The following FAM13A variants were observed in gnomAD, a reference collection of about 807,000 sequenced individuals.
FAM13A encodes family with sequence similarity 13 member A, also known as protein FAM13A.
In FAM13A, 76 loss-of-function variants were observed where a neutral mutation model predicts 129.6. The observed-to-expected ratio is 0.59, with a 90% CI of 0.49 to 0.71. The LOEUF (loss-of-function observed/expected upper bound fraction) is 0.71. Among genes scored for constraint, FAM13A ranks in the 30% least tolerant of loss-of-function variants. FAM13A has a pLI of 0.00. For missense variants in FAM13A, 1,108 were observed against 1,249.3 expected (o/e 0.89, Z 1.70); for synonymous variants, 443 against 449.9 (o/e 0.98, Z 0.20).
At chr4:88,923,078 G>A (rs1416855704) in intron 5 of FAM13A, among the ~76,000 whole-genome samples, 2 of 151,802 alleles carry the variant, frequency 1.3e-5, no homozygotes, top group Non-Finnish European at 1.5e-5. Flanking sequence ...AACCAAAAAG[G>A]GTCCAGGACC....
chr4:88,878,252 C>T (rs544818589), intron 6 of FAM13A, among the ~76,000 whole-genome samples: 10 of 132,094 alleles, frequency 7.6e-5, no homozygotes, highest in African/African-American at 2.7e-4. Context: ...TGCGCCACTG[C>T]ACTCCAGCCT....
In FAM13A at chr4:89,019,423, G is replaced by A. The variant is rs180744475; in HGVS notation, c.427+1037C>T. On this transcript the variant is annotated intron_variant, in intron 3 of 23. Coordinates refer to ENST00000264344, the MANE Select transcript of FAM13A (RefSeq NM_014883.4). Reference sequence around the variant, plus strand: ...ACCATTTTTCTTACAGCACTTAGGAGGGAGAACTCAATAATGACTATGCCT... The same window carrying A: ...ACCATTTTTCTTACAGCACTTAGGAAGGAGAACTCAATAATGACTATGCCT... Among the ~76,000 whole-genome samples, 4 of 152,114 alleles carry A rather than the reference G, an allele frequency of 2.6e-5. No individual in the cohort carries two copies. In the East Asian group the frequency reaches 7.7e-4, roughly 29 times the overall value.
chr4:88,740,397 T>G (rs1282514825), intron 19 of FAM13A, among the ~76,000 whole-genome samples: 1 of 152,210 alleles, frequency 6.6e-6, no homozygotes, highest in Non-Finnish European at 1.5e-5. Flanking sequence ...TAGTAACTAT[T>G]TCAGTGCCTG....
chr4:88,862,250 T>C (rs1267004691), intron 6 of FAM13A, among the ~76,000 whole-genome samples: 2 of 152,176 alleles, frequency 1.3e-5, no homozygotes, highest in Non-Finnish European at 2.9e-5. Flanking sequence ...ATATAATGTA[T>C]ATATACAATG....
At chr4:88,744,896 C>A (rs981829890) in intron 19 of FAM13A, among the ~76,000 whole-genome samples, 6 of 152,088 alleles carry the variant, frequency 3.9e-5, no homozygotes, top group African/African-American at 1.4e-4. Context: ...CTATGAGATG[C>A]TAGAATCCGG....
chr4:88,737,837 C>T (rs947650622), intron 20 of FAM13A, among the ~76,000 whole-genome samples: 4 of 152,160 alleles, frequency 2.6e-5, no homozygotes, highest in African/African-American at 9.7e-5. Context: ...AGGAGAAACA[C>T]CTGCCTCCCA....
intron 1 of FAM13A, among the ~76,000 whole-genome samples, chr4:89,044,343 TAGGGA>T: frequency 6.6e-6 from 1 of 152,266 alleles, no homozygotes; most frequent in East Asian, 1.9e-4. Context: ...CACTGGTCTT[TAGGGA>T]AGTGAGAATC....
In FAM13A at chr4:88,986,955, A is replaced by G. The variant is rs564849986; in HGVS notation, c.605+4018T>C. Among the ~76,000 whole-genome samples, 16 of 152,346 alleles carry G rather than the reference A, an allele frequency of 1.1e-4. No homozygotes were observed. In the South Asian group the frequency reaches 3.1e-3, roughly 30 times the overall value. ...ATTAAGACCTAGATGCAAATAACTTAGCACCCAGATCTTGGCTTCTAAATG... is the reference window on the plus strand; with the variant it reads ...ATTAAGACCTAGATGCAAATAACTTGGCACCCAGATCTTGGCTTCTAAATG... On this transcript the variant is annotated intron_variant, in intron 4 of 23. Coordinates refer to ENST00000264344, the MANE Select transcript of FAM13A (RefSeq NM_014883.4).
At chr4:88,785,169 G>T (rs1723717446) in intron 10 of FAM13A, among the ~76,000 whole-genome samples, 1 of 151,980 alleles carries the variant, frequency 6.6e-6, no homozygotes, top group South Asian at 2.1e-4. Flanking sequence ...TTAATTTGTT[G>T]CATCTCTAAG....
At chr4:88,843,884 G>A (rs1377468781) in intron 7 of FAM13A, among the ~76,000 whole-genome samples, 2 of 152,170 alleles carry the variant, frequency 1.3e-5, no homozygotes, top group East Asian at 3.9e-4. Context: ...AGAGCGCACG[G>A]CTGTCCTGGC....
chr4:88,920,178 A>T (rs1750808063), intron 5 of FAM13A, among the ~76,000 whole-genome samples: 1 of 152,202 alleles, frequency 6.6e-6, no homozygotes. Flanking sequence ...TCCCTGTCTG[A>T]CAGCTTTGAA....
intron 5 of FAM13A, among the ~76,000 whole-genome samples, chr4:88,912,993 A>C (rs948978226): frequency 6.6e-6 from 1 of 151,128 alleles, no homozygotes; most frequent in African/African-American, 2.4e-5. Flanking sequence ...AGAAAGAAGA[A>C]GAAAGAAGGA....
Position 88,906,460 on chromosome 4 carries a change from C to A in FAM13A, c.762G>T (p.Glu254Asp). The change falls in exon 6 of 24, where the codon GAG becomes GAT. Residue 254 changes from glutamate (E) to aspartate (D), a missense_variant and splice_region_variant. By Grantham distance (45) the Glu-to-Asp change is conservative. Coordinates refer to ENST00000264344, the MANE Select transcript of FAM13A (RefSeq NM_014883.4). ...TGGGCAGGGAGTTCTTATAATAGAC[C>A]TCCTACAAAAGAAGTATAAAGGAAA... ...ENLARLIIVKEVYYKNSLPIL... is the reference protein window; with the variant it reads ...ENLARLIIVKDVYYKNSLPIL... The A allele has an allele frequency of 6.3e-7, 1 of 1,595,264 alleles. No homozygotes were observed. Among genetic ancestry groups the A allele is most frequent in the East Asian group, 2.2e-5 (1 of 44,460 alleles).
chr4:88,833,071 C>A (rs1468429927), intron 7 of FAM13A, among the ~76,000 whole-genome samples: 1 of 152,114 alleles, frequency 6.6e-6, no homozygotes, highest in Non-Finnish European at 1.5e-5. Context: ...AAGATCATGT[C>A]GTTTTTAGGC....
chr4:88,794,904 T>C (rs549127959), intron 8 of FAM13A, among the ~76,000 whole-genome samples: 8 of 151,862 alleles, frequency 5.3e-5, no homozygotes, highest in Non-Finnish European at 1.0e-4. Context: ...ATATGCAGCA[T>C]CAACATTATA....
intron 5 of FAM13A, among the ~76,000 whole-genome samples, chr4:88,919,400 T>A (rs965370612): frequency 1.3e-5 from 2 of 152,266 alleles, no homozygotes; most frequent in Admixed American, 1.3e-4. Context: ...ATGCTCAGAA[T>A]AGTTACTATG....
At chr4:88,809,172 T>C (rs1478385502) in intron 7 of FAM13A, among the ~76,000 whole-genome samples, 1 of 152,092 alleles carries the variant, frequency 6.6e-6, no homozygotes, top group Admixed American at 6.6e-5. Context: ...AAAGGCATAG[T>C]GTTGTATATG....
chr4:89,036,116 A>G (rs1164446179), intron 1 of FAM13A, among the ~76,000 whole-genome samples: 1 of 152,218 alleles, frequency 6.6e-6, no homozygotes, highest in East Asian at 1.9e-4. Flanking sequence ...TTTGGAGGGC[A>G]CAGAAGAAAA....
intron 4 of FAM13A, among the ~76,000 whole-genome samples, chr4:88,977,529 AT>A (rs200911066): frequency 6.6e-6 from 1 of 152,208 alleles, no homozygotes; most frequent in Non-Finnish European, 1.5e-5. Flanking sequence ...GGAAAAAAAA[AT>A]CACTGCTCCC....
Sources: gnomAD v4.1 joint callset for allele counts (sites outside exome capture counted in the v4.1 genomes callset) on GRCh38, gnomAD v4.1.1 for gene constraint, MANE v1.5 for transcripts, NCBI Gene and HGNC (gene_info 2026-07-23, HGNC 2026-07-21) for gene names.